Variants in C8orf89 observed in about 807,000 individuals in gnomAD.
C8orf89 encodes chromosome 8 open reading frame 89, also known as putative uncharacterized protein C8orf89.
C8orf89 carries 14 observed loss-of-function variants against 15.8 expected under a neutral mutation model. The observed-to-expected ratio is 0.89, with a 90% CI of 0.59 to 1.39. The LOEUF (loss-of-function observed/expected upper bound fraction) is 1.39. Among genes scored for constraint, C8orf89 ranks in the 40% most tolerant of loss-of-function variants. The pLI, the probability that C8orf89 is intolerant of heterozygous loss-of-function variation, is 0.00. For missense variants in C8orf89, 181 were observed against 184.5 expected (o/e 0.98, Z 0.11); for synonymous variants, 55 against 62.2 (o/e 0.88, Z 0.54).
chr8:73,273,110 T>C, the C8orf89 span, among the ~76,000 whole-genome samples: 1 of 152,230 alleles, frequency 6.6e-6, no homozygotes, highest in Non-Finnish European at 1.5e-5. Context: ...GTCATTGCCA[T>C]GATGCCAGTT....
At chr8:73,250,534 C>A (rs1037114638) in intron 2 of C8orf89, among the ~76,000 whole-genome samples, 5 of 152,184 alleles carry the variant, frequency 3.3e-5, no homozygotes, top group African/African-American at 9.6e-5. Context: ...TCTAACTTCT[C>A]CCACAGACCT....
chr8:73,278,205 C>A, the C8orf89 span, among the ~76,000 whole-genome samples: 3 of 152,174 alleles, frequency 2.0e-5, no homozygotes, highest in Non-Finnish European at 4.4e-5. Flanking sequence ...ATTTCTAAAA[C>A]AATGATTACC....
At chr8:73,257,166 T>C in intron 1 of C8orf89, 40 bp from the exon 2 acceptor site, 1 of 1,340,100 alleles carries the variant, frequency 7.5e-7, no homozygotes, top group East Asian at 2.6e-5. Flanking sequence ...ATTAAATGCA[T>C]ACTACTTGTT....
At chr8:73,248,943 G>A (rs1353636387) in intron 3 of C8orf89, among the ~76,000 whole-genome samples, 1 of 152,084 alleles carries the variant, frequency 6.6e-6, no homozygotes, top group Non-Finnish European at 1.5e-5. Context: ...TCTCTCTCTT[G>A]CCTGATTGCT....
At chr8:73,274,309 G>A in the C8orf89 span, among the ~76,000 whole-genome samples, 1 of 151,976 alleles carries the variant, frequency 6.6e-6, no homozygotes, top group Non-Finnish European at 1.5e-5. Flanking sequence ...CCGCCACCAC[G>A]CCTGGCTAAT....
chr8:73,268,349 C>T, the C8orf89 span, among the ~76,000 whole-genome samples: 37,229 of 151,638 alleles, frequency 0.25, 4,714 homozygotes, highest in African/African-American at 0.28. Context: ...TGTGGTGGCA[C>T]GCACCTGTAA....
intron 2 of C8orf89, among the ~76,000 whole-genome samples, chr8:73,252,924 G>T (rs1212171054): frequency 6.6e-6 from 1 of 152,210 alleles, no homozygotes; most frequent in Non-Finnish European, 1.5e-5. Context: ...GGTGGATCAC[G>T]AGGTCAGAAG....
upstream of C8orf89, among the ~76,000 whole-genome samples, chr8:73,263,220 A>T (rs1813561083): frequency 6.6e-6 from 1 of 152,210 alleles, no homozygotes; most frequent in Non-Finnish European, 1.5e-5. Flanking sequence ...TAAACATTTT[A>T]AAAATATTTC....
chr8:73,274,667 G>A, the C8orf89 span, among the ~76,000 whole-genome samples: 3 of 152,070 alleles, frequency 2.0e-5, no homozygotes, highest in Non-Finnish European at 2.9e-5. Context: ...CTCCTTTTCC[G>A]GAAGCAACCA....
chr8:73,272,484 T>C, the C8orf89 span, among the ~76,000 whole-genome samples: 1 of 152,120 alleles, frequency 6.6e-6, no homozygotes, highest in Non-Finnish European at 1.5e-5. Flanking sequence ...CTTTAAGTTC[T>C]AGGGTACATG....
chr8:73,277,367 T>C, the C8orf89 span: 3 of 1,019,196 alleles, frequency 2.9e-6, no homozygotes, highest in South Asian at 1.7e-5. Context: ...GATCATTTTT[T>C]CTCTGAGGCC....
chr8:73,259,823 A>G (rs1473773334), upstream of C8orf89, among the ~76,000 whole-genome samples: 1 of 152,218 alleles, frequency 6.6e-6, no homozygotes, highest in Non-Finnish European at 1.5e-5. Context: ...ACGTGGACAC[A>G]GAAGGAAAAT....
At chr8:73,269,403 G>T in the C8orf89 span, among the ~76,000 whole-genome samples, 1 of 152,166 alleles carries the variant, frequency 6.6e-6, no homozygotes, top group Non-Finnish European at 1.5e-5. Flanking sequence ...AACCACCACT[G>T]TCATAAATCA....
At chr8:73,252,879 C>A in intron 2 of C8orf89, among the ~76,000 whole-genome samples, 1 of 152,138 alleles carries the variant, frequency 6.6e-6, no homozygotes, top group East Asian at 1.9e-4. Context: ...CGGTGGCTCA[C>A]GCCTGTAATC....
chr8:73,276,322 G>A, the C8orf89 span, among the ~76,000 whole-genome samples: 4 of 151,664 alleles, frequency 2.6e-5, no homozygotes, highest in South Asian at 2.1e-4. Flanking sequence ...GATCACAGGC[G>A]CATGCCACCA....
the C8orf89 span, among the ~76,000 whole-genome samples, chr8:73,279,949 A>C: frequency 9.8e-5 from 15 of 152,340 alleles, no homozygotes; most frequent in African/African-American, 3.1e-4. Context: ...TCCCGTCCTG[A>C]GCCTTCAAAT....
At chr8:73,280,073 ACTAAG>A in the C8orf89 span, among the ~76,000 whole-genome samples, 1 of 152,204 alleles carries the variant, frequency 6.6e-6, no homozygotes, top group African/African-American at 2.4e-5. Context: ...GTTTCATACC[ACTAAG>A]TTTTGGAGAA....
chr8:73,253,643 G>T (rs1156965909), intron 2 of C8orf89, among the ~76,000 whole-genome samples: 1 of 151,504 alleles, frequency 6.6e-6, no homozygotes, highest in Non-Finnish European at 1.5e-5. Flanking sequence ...CCTTGAAGAG[G>T]TCCTTCACGT....
chr8:73,282,193 C>T, the C8orf89 span, among the ~76,000 whole-genome samples: 1 of 152,136 alleles, frequency 6.6e-6, no homozygotes, highest in Non-Finnish European at 1.5e-5. Context: ...GTGTCACGTG[C>T]ACAAAAAACA....
Sources: gnomAD v4.1 joint callset for allele counts (sites outside exome capture counted in the v4.1 genomes callset) on GRCh38, gnomAD v4.1.1 for gene constraint, MANE v1.5 for transcripts, NCBI Gene and HGNC (gene_info 2026-07-23, HGNC 2026-07-21) for gene names.